TMBIM6: variants seen among roughly 807,000 people sequenced by gnomAD.
TMBIM6 encodes bax inhibitor 1.
In TMBIM6, 13 loss-of-function variants were observed where a neutral mutation model predicts 31.4. The ratio of observed to expected loss-of-function variants is 0.41; its 90% confidence interval spans 0.27 to 0.66. The LOEUF (loss-of-function observed/expected upper bound fraction) is 0.66, where lower values mean the gene tolerates loss of function less well. Among genes scored for constraint, TMBIM6 ranks in the 30% least tolerant of loss-of-function variants. The probability of loss-of-function intolerance (pLI) is 0.28; values close to 1 mark genes in which losing one functional copy is unlikely to be tolerated. For missense variants in TMBIM6, 275 were observed against 289.5 expected (o/e 0.95, Z 0.36); for synonymous variants, 85 against 101.7 (o/e 0.84, Z 0.99).
chr12:49,759,392 G>A, intron 8 of TMBIM6, 71 bp downstream of exon 8: 2 of 1,358,790 alleles, frequency 1.5e-6, no homozygotes, highest in Non-Finnish European at 2.1e-6. Flanking sequence ...AACTTAGGTT[G>A]GCATTGGCTG....
At chr12:49,761,621 G>T (rs1945721058) in intron 8 of TMBIM6, 83 bp from the exon 9 acceptor site, 1 of 1,293,340 alleles carries the variant, frequency 7.7e-7, no homozygotes, top group Non-Finnish European at 1.1e-6. Flanking sequence ...GGGGGTAGGG[G>T]TGGGGTTTAT....
At chr12:49,741,796 C>T (rs939561064) in intron 1 of TMBIM6, 185 bp downstream of exon 1, 7 of 314,446 alleles carry the variant, frequency 2.2e-5, no homozygotes, top group Admixed American at 9.7e-5. Context: ...GGAACTAGTG[C>T]TGCGCGTGCG....
At chr12:49,742,025 C>T (rs1945304098) in intron 1 of TMBIM6, 1 of 1,468,536 alleles carries the variant, frequency 6.8e-7, no homozygotes, top group Non-Finnish European at 9.1e-7. Context: ...TGAAGGAACG[C>T]GAAACTCCAC....
chr12:49,758,794 A>G (rs1219949728), intron 7 of TMBIM6, 32 bp downstream of exon 7: 1 of 1,522,376 alleles, frequency 6.6e-7, no homozygotes, highest in Non-Finnish European at 9.0e-7. Context: ...TCCAGCAGCC[A>G]TTTGCCTCAC....
chr12:49,742,276 G>A, intron 1 of TMBIM6: 1 of 1,595,084 alleles, frequency 6.3e-7, no homozygotes, highest in Non-Finnish European at 8.5e-7. Flanking sequence ...GTTACCTTTG[G>A]GCAGGTGAGG....
In TMBIM6 at chr12:49,758,291, G is replaced by A. The variant is rs1048201554; in HGVS notation, c.335+16G>A. ...TCAACCCCAGGTAACTCTTTTGGTA[G>A]TGTCTTATGTGCTTTTATCTTTATG... On this transcript the variant is annotated intron_variant, in intron 5 of 9. Transcript: ENST00000267115. 1 of 1,614,048 alleles carries A rather than the reference G, an allele frequency of 6.2e-7. No individual in the cohort carries two copies. Among genetic ancestry groups the A allele is most frequent in the Non-Finnish European group, 8.5e-7 (1 of 1,180,002 alleles).
At chr12:49,742,488 T>A in intron 1 of TMBIM6, 1 of 532,386 alleles carries the variant, frequency 1.9e-6, no homozygotes, top group Non-Finnish European at 3.1e-6. Context: ...AGCCTTTCAT[T>A]GACCACCCCC....
At chr12:49,747,497 T>A (rs1314038528) in intron 1 of TMBIM6, among the ~76,000 whole-genome samples, 1 of 151,640 alleles carries the variant, frequency 6.6e-6, no homozygotes, top group Non-Finnish European at 1.5e-5. Context: ...TTTGCAGAGA[T>A]GAGGTTTTGC....
rs892542884 is a variant in TMBIM6 at position 49,741,561 on chromosome 12, C to G, written c.-81C>G. 2 of 156,548 alleles carry G rather than the reference C, an allele frequency of 1.3e-5. No individual in the cohort carries two copies. The highest frequency in any genetic ancestry group is 3.8e-4 in the East Asian group (2 of 5,230). The allele number at this position is 156,548 out of a possible 1,614,324, so 9.7% of individuals were successfully genotyped here. ...GGGAGCGGAAGTGGGCGAGTCAGAGCACATCCGGTGTTAGAAGCGCTGGTA... is the reference window on the plus strand; with the variant it reads ...GGGAGCGGAAGTGGGCGAGTCAGAGGACATCCGGTGTTAGAAGCGCTGGTA... On this transcript the variant is annotated 5_prime_UTR_variant, in exon 1 of 10. Transcript: ENST00000267115.
intron 4 of TMBIM6, among the ~76,000 whole-genome samples, chr12:49,757,215 C>T (rs971176948): frequency 6.6e-6 from 1 of 152,182 alleles, no homozygotes; most frequent in East Asian, 1.9e-4. Flanking sequence ...GTTTCCCCAT[C>T]CATTAGGGGA....
chr12:49,759,164 G>T (rs1829616667), intron 7 of TMBIM6, 57 bp from the exon 8 acceptor site: 21 of 1,422,398 alleles, frequency 1.5e-5, no homozygotes, highest in Middle Eastern at 3.5e-4. Flanking sequence ...AGTATGGCTG[G>T]TTTTTTTTTC....
intron 1 of TMBIM6, chr12:49,744,385 C>G (rs973769224): frequency 6.6e-6 from 1 of 152,048 alleles, no homozygotes; most frequent in African/African-American, 2.4e-5. Context: ...GTAGAAATGT[C>G]TTCTACCACT....
At chr12:49,759,079 A>C in intron 7 of TMBIM6, 142 bp from the exon 8 acceptor site, 1 of 710,646 alleles carries the variant, frequency 1.4e-6, no homozygotes, top group Non-Finnish European at 2.4e-6. Context: ...TCTTCACCCT[A>C]GGCTGCAGTT....
Position 49,759,294 on chromosome 12 carries a change from C to T in TMBIM6, c.587C>T (p.Ala196Val). 1 of 1,613,968 alleles carries T rather than the reference C, an allele frequency of 6.2e-7. No individual in the cohort carries two copies. Among genetic ancestry groups the T allele is most frequent in the Non-Finnish European group, 8.5e-7 (1 of 1,179,924 alleles). ...LFDTQLIIEK[A>V]EHGDQDYIWH... is the part of the protein sequence containing the mutation. ...GATACTCAACTCATTATTGAAAAGG[C>T]CGAACATGGAGATCAAGATTATATC... Residue 196 changes from alanine to valine, a missense_variant, in exon 8 of 10, where the codon GCC (alanine) becomes GTC (valine). By Grantham distance (64) the Ala-to-Val change is moderately conservative (BLOSUM62 0). Transcript: ENST00000267115.
rs192346273 is a variant in TMBIM6, at chr12:49,754,817, A to G, written c.166-818A>G. 2.6e-5 allele frequency among the ~76,000 whole-genome samples: 4 copies of G among 152,394 alleles called. No individual in the cohort carries two copies. In the East Asian group the frequency reaches 5.8e-4, roughly 22 times the overall value. Reference sequence around the variant, plus strand: ...GTTCATTTTAGAAAATTCAGAAAACAGACTAGCAATGAGAAGGAAGTATTT... The same window carrying G: ...GTTCATTTTAGAAAATTCAGAAAACGGACTAGCAATGAGAAGGAAGTATTT... On this transcript the variant is annotated intron_variant, in intron 3 of 9. Transcript: ENST00000267115.
At chr12:49,746,031 G>C (rs964846564) in intron 1 of TMBIM6, among the ~76,000 whole-genome samples, 3 of 151,464 alleles carry the variant, frequency 2.0e-5, no homozygotes, top group African/African-American at 7.3e-5. Context: ...TACCAGTAAT[G>C]AGATTTTTCA....
intron 2 of TMBIM6, 115 bp from the exon 3 acceptor site, chr12:49,752,858 A>G (rs1945520177): frequency 1.6e-5 from 16 of 1,000,988 alleles, no homozygotes; most frequent in Non-Finnish European, 2.1e-5. Context: ...ATTTCAAACT[A>G]TTTGTAACAG....
rs1945763172 is a variant in TMBIM6, at chr12:49,763,685, T to C, written c.*789T>C. 1 of 152,240 alleles carries C rather than the reference T, an allele frequency of 6.6e-6. No individual in the cohort carries two copies. Among genetic ancestry groups the C allele is most frequent in the South Asian group, 2.1e-4 (1 of 4,820 alleles). The allele number at this position is 152,240 out of a possible 1,614,324, so 9.4% of individuals were successfully genotyped here. ...TAAACTTGCCCTGTTTTTGTTTTTT[T>C]AGTTTGTTATCCCCTTACTGAGCGG... is the stretch of plus-strand genomic sequence containing the variant. On this transcript the variant is annotated 3_prime_UTR_variant, in exon 10 of 10. Coordinates refer to ENST00000267115, the MANE Select transcript of TMBIM6 (RefSeq NM_003217.3).
chr12:49,748,209 T>TTTTTG lies in TMBIM6; in HGVS notation c.-30-4235_-30-4231dup, dbSNP rs578203978. ...GAGCCACCGCACCCAGCCTGTTTTT[T>TTTTTG]TTTTGTTTTGTTTTGTTTTGTTTTT... On this transcript the variant is annotated intron_variant, in intron 1 of 9. Transcript: ENST00000267115. Among the ~76,000 whole-genome samples the TTTTTG allele has an allele frequency of 2.7e-3, 417 of 152,206 alleles. 2 individuals carry two copies. Among genetic ancestry groups the TTTTTG allele is most frequent in the African/African-American group, 6.7e-3 (277 of 41,522 alleles).
Sources: gnomAD v4.1 joint callset for allele counts (sites outside exome capture counted in the v4.1 genomes callset) on GRCh38, gnomAD v4.1.1 for gene constraint, MANE v1.5 for transcripts, NCBI Gene and HGNC (gene_info 2026-07-23, HGNC 2026-07-21) for gene names.